The following DHX40 variants were observed in gnomAD, a reference collection of about 807,000 sequenced individuals.
DHX40 encodes probable ATP-dependent RNA helicase DHX40.
A neutral mutation model predicts 89.6 loss-of-function variants in DHX40; 28 were observed. The ratio of observed to expected loss-of-function variants is 0.31; its 90% CI spans 0.23 to 0.43. The LOEUF is 0.43. Among genes scored for constraint, DHX40 ranks in the 20% least tolerant of loss-of-function variants. The pLI, the probability that DHX40 is intolerant of heterozygous loss-of-function variation, is 1.00. For missense variants in DHX40, 457 were observed against 844.0 expected (o/e 0.54, Z 5.68); for synonymous variants, 226 against 283.6 (o/e 0.80, Z 2.04).
chr17:59,594,620 G>C (rs938520108), intron 12 of DHX40, among the ~76,000 whole-genome samples: 7 of 149,828 alleles, frequency 4.7e-5, no homozygotes, highest in African/African-American at 1.3e-4. Flanking sequence ...ACCTGGAATA[G>C]CTCTAGGAAA....
intron 14 of DHX40, among the ~76,000 whole-genome samples, chr17:59,601,559 C>T (rs563494150): frequency 3.0e-4 from 45 of 152,008 alleles, no homozygotes; most frequent in African/African-American, 1.0e-3. Flanking sequence ...TTTTTCAGGT[C>T]TCTACTTTTT....
At chr17:59,574,975 C>T (rs180812054) in intron 6 of DHX40, among the ~76,000 whole-genome samples, 1 of 152,302 alleles carries the variant, frequency 6.6e-6, no homozygotes, top group Non-Finnish European at 1.5e-5. Context: ...GAGGGATTGT[C>T]ACAATCTTTG....
intron 12 of DHX40, among the ~76,000 whole-genome samples, chr17:59,590,415 T>C (rs2049064860): frequency 6.6e-6 from 1 of 150,486 alleles, no homozygotes; most frequent in African/African-American, 2.5e-5. Context: ...ATAAAAATAC[T>C]CTAATCAATA....
At chr17:59,569,258 G>A (rs775123439) in intron 2 of DHX40, among the ~76,000 whole-genome samples, 2 of 151,958 alleles carry the variant, frequency 1.3e-5, no homozygotes, top group Non-Finnish European at 2.9e-5. Flanking sequence ...AACCCAGGAG[G>A]TAGAGGTTGC....
At chr17:59,589,104 G>A (rs2049043159) in intron 12 of DHX40, among the ~76,000 whole-genome samples, 1 of 151,364 alleles carries the variant, frequency 6.6e-6, no homozygotes, top group African/African-American at 2.4e-5. Context: ...AGTAACTCTT[G>A]AAGTTTTGTT....
Position 59,602,926 on chromosome 17 carries a change from A to G in DHX40, c.1901+310A>G, listed in dbSNP as rs149835899. Among the ~76,000 whole-genome samples the G allele has an allele frequency of 1.3e-3, 194 of 152,284 alleles. 1 individual carries two copies. The highest frequency in any genetic ancestry group is 4.5e-3 in the African/African-American group (188 of 41,556). ...GGCCCTGTGTATAGTGTGAAAGCCA[A>G]GTAGGTTGAGCATAGCATCCCTGAG... is the stretch of plus-strand genomic sequence containing the variant. On this transcript the variant is annotated intron_variant, in intron 15 of 17. Coordinates refer to ENST00000251241, the MANE Select transcript of DHX40 (RefSeq NM_024612.5).
At chr17:59,591,722 T>C (rs1443852727) in intron 12 of DHX40, among the ~76,000 whole-genome samples, 1 of 151,772 alleles carries the variant, frequency 6.6e-6, no homozygotes, top group Non-Finnish European at 1.5e-5. Context: ...TATATATGTA[T>C]ATATAAATGG....
chr17:59,593,828 A>T (rs2049114359), intron 12 of DHX40, among the ~76,000 whole-genome samples: 2 of 150,782 alleles, frequency 1.3e-5, no homozygotes, highest in Non-Finnish European at 3.0e-5. Flanking sequence ...TAATTCGTGG[A>T]TTCTTTCTTC....
chr17:59,566,778 ATATC>A lies in DHX40; in HGVS notation c.268_271del (p.Leu90MetfsTer10). 1 of 1,581,910 alleles carries A rather than the reference ATATC, an allele frequency of 6.3e-7. No homozygotes were observed. The highest frequency in any genetic ancestry group is 8.5e-7 in the Non-Finnish European group (1 of 1,171,542). On this transcript the variant is annotated frameshift_variant, in exon 2 of 18. Transcript: ENST00000251241. LOFTEE classifies it high-confidence loss of function. ...GTGGTAAAACAACTCAACTCCCAAA[ATATC>A]TATATGAAGCAGGTGATTTTTTTCT...
chr17:59,565,857 G>A lies in DHX40; in HGVS notation c.112+74G>A, dbSNP rs916047913. 14 of 1,299,562 alleles carry A rather than the reference G, an allele frequency of 1.1e-5. No individual in the cohort carries two copies. The African/African-American group carries it at 2.1e-4, about 19-fold the overall frequency. The allele number at this position is 1,299,562 out of a possible 1,614,324, so 80.5% of individuals were successfully genotyped here. On this transcript the variant is annotated intron_variant, in intron 1 of 17. Transcript: ENST00000251241. ...GGTTTTGGTGGGGGGATGAAAGTAC[G>A]CCTTTGGCAGGCTGAGAAGAGTAGT...
intron 15 of DHX40, among the ~76,000 whole-genome samples, chr17:59,603,066 CAGTGAT>C (rs2030631923): frequency 6.6e-6 from 1 of 151,984 alleles, no homozygotes; most frequent in Admixed American, 6.6e-5. Flanking sequence ...AAAGGGGTAA[CAGTGAT>C]GGTGATGGAG....
In DHX40 at chr17:59,607,396, G is replaced by A; in HGVS notation, c.*224G>A. ...GCCATAGTCATAAGCAATGATACAT[G>A]AAACCAATGAAAGACAGTACATGTA... is the stretch of plus-strand genomic sequence containing the variant. On this transcript the variant is annotated 3_prime_UTR_variant, in exon 18 of 18. Transcript: ENST00000251241. 1 of 787,436 alleles carries A rather than the reference G, an allele frequency of 1.3e-6. No individual in the cohort carries two copies. Among genetic ancestry groups the A allele is most frequent in the Non-Finnish European group, 2.0e-6 (1 of 490,464 alleles). The allele number at this position is 787,436 out of a possible 1,614,324, so 48.8% of individuals were successfully genotyped here.
intron 15 of DHX40, 154 bp from the exon 16 acceptor site, chr17:59,604,950 TGAATTGGTAGA>T (rs2030753805): frequency 8.1e-6 from 5 of 614,686 alleles, no homozygotes; most frequent in Non-Finnish European, 1.2e-5. Context: ...TAATTTAAGA[TGAATTGGTAGA>T]GAGCTTGTAG....
chr17:59,571,705 C>T (rs1368886330), intron 3 of DHX40, among the ~76,000 whole-genome samples: 1 of 151,832 alleles, frequency 6.6e-6, no homozygotes, highest in Non-Finnish European at 1.5e-5. Flanking sequence ...ATTCTCCTGC[C>T]TCAGCCTCCC....
chr17:59,605,566 A>G lies in DHX40; in HGVS notation c.2092A>G (p.Lys698Glu). Residue 698 changes from lysine (K) to glutamate (E), a missense_variant, in exon 17 of 18, where the codon AAG becomes GAG. Coordinates refer to ENST00000251241, the MANE Select transcript of DHX40 (RefSeq NM_024612.5). ...TGAATGGGTAAGAGACTTGTTACCC[A>G]AGTTGCATGAATTTAATGCACATGA... is the stretch of plus-strand genomic sequence containing the variant. ...RYEWVRDLLP[K>E]LHEFNAHDLS... is the part of the protein sequence containing the mutation. 1 of 1,614,190 alleles carries G rather than the reference A, an allele frequency of 6.2e-7. No homozygotes were observed. Among genetic ancestry groups the G allele is most frequent in the Non-Finnish European group, 8.5e-7 (1 of 1,180,032 alleles).
intron 3 of DHX40, among the ~76,000 whole-genome samples, chr17:59,571,167 T>C (rs1004706790): frequency 6.6e-6 from 1 of 152,188 alleles, no homozygotes; most frequent in Non-Finnish European, 1.5e-5. Context: ...ATTAAGTATG[T>C]TCACAATGGG....
intron 2 of DHX40, among the ~76,000 whole-genome samples, chr17:59,570,035 ACT>A (rs1231564489): frequency 7.3e-6 from 1 of 137,514 alleles, no homozygotes; most frequent in African/African-American, 2.8e-5. Context: ...CAAGAGCAAA[ACT>A]CTGTCTAAAT....
chr17:59,607,006 TA>T (rs752414775), intron 17 of DHX40, 26 bp from the exon 18 acceptor site: 8 of 1,595,614 alleles, frequency 5.0e-6, no homozygotes. Flanking sequence ...AGCTAAGTTT[TA>T]TTGGATTAAT....
intron 15 of DHX40, chr17:59,603,208 C>A (rs1000837753): frequency 6.6e-6 from 1 of 152,042 alleles, no homozygotes; most frequent in African/African-American, 2.4e-5. Context: ...TTCAGTGTAT[C>A]ATGATGAAGT....
Sources: allele counts gnomAD v4.1 joint callset (sites outside exome capture counted in the v4.1 genomes callset), GRCh38; gene constraint gnomAD v4.1.1; transcripts MANE v1.5; gene names NCBI Gene and HGNC (gene_info 2026-07-23, HGNC 2026-07-21).